The following SKP1 variants were observed in gnomAD, a reference collection of about 807,000 sequenced individuals.
The protein encoded by SKP1 is S-phase kinase-associated protein 1.
SKP1 carries 1 observed loss-of-function variant against 21.5 expected under a neutral mutation model. The ratio of observed to expected loss-of-function variants is 0.05; its 90% CI spans 0.02 to 0.22. SKP1 has a LOEUF of 0.22. Among genes scored for constraint, SKP1 ranks in the 10% least tolerant of loss-of-function variants. The probability of loss-of-function intolerance (pLI) is 1.00; values close to 1 mark genes in which losing one functional copy is unlikely to be tolerated. For synonymous variants in SKP1, 59 were observed against 59.3 expected, an observed-to-expected ratio of 0.99 and a Z score of 0.03; for missense variants, 70 against 192.0, an observed-to-expected ratio of 0.36 and a Z score of 3.76.
Position 134,165,401 on chromosome 5 carries a change from C to A in SKP1, c.171+1769G>T, listed in dbSNP as rs140030069. 4.2e-4 allele frequency among the ~76,000 whole-genome samples: 64 copies of A among 151,812 alleles called. No individual in the cohort carries two copies. In the East Asian group the frequency reaches 0.01, roughly 24 times the overall value. On this transcript the variant is annotated intron_variant, in intron 3 of 5. Coordinates refer to ENST00000353411, the MANE Select transcript of SKP1 (RefSeq NM_170679.3). The stretch of plus-strand genomic sequence containing the variant: ...GGTGAGGAGTTCAAGACCAGCCTGG[C>A]CAACATGGTGAAACCCTCATCTCTA...
chr5:134,170,136 C>T (rs1288418377), intron 2 of SKP1, among the ~76,000 whole-genome samples: 1 of 152,062 alleles, frequency 6.6e-6, no homozygotes, highest in African/African-American at 2.4e-5. Context: ...CGCCATTGCA[C>T]TCCAGCCTGG....
At position 134,153,132 on chromosome 5, in the gene SKP1, T is replaced by C. The variant is rs889398698; in HGVS notation, c.*4601A>G. On this transcript the variant is annotated 3_prime_UTR_variant, in exon 6 of 6. Transcript: ENST00000353411. ...CTCAAACAACTTTGTAGGGAGAACA[T>C]TTACTTGGTTGATTCCTTCCTACCA... 1.3e-5 allele frequency: 2 copies of C among 152,154 alleles called. No individual in the cohort carries two copies. Among genetic ancestry groups the C allele is most frequent in the African/African-American group, 4.8e-5 (2 of 41,442 alleles). The allele number at this position is 152,154 out of a possible 1,614,324, so 9.4% of individuals were successfully genotyped here.
chr5:134,170,715 C>T (rs1199157224), intron 2 of SKP1, among the ~76,000 whole-genome samples: 1 of 152,212 alleles, frequency 6.6e-6, no homozygotes, highest in Non-Finnish European at 1.5e-5. Context: ...AAAAGAATAA[C>T]TTAATTGTTG....
chr5:134,165,544 C>A (rs1022426671), intron 3 of SKP1, among the ~76,000 whole-genome samples: 3 of 143,538 alleles, frequency 2.1e-5, no homozygotes, highest in African/African-American at 7.8e-5. Context: ...GAGCTGAGAT[C>A]GTGCCACTGC....
At chr5:134,160,200 A>G (rs1034275878) in intron 4 of SKP1, among the ~76,000 whole-genome samples, 1 of 151,818 alleles carries the variant, frequency 6.6e-6, no homozygotes, top group African/African-American at 2.4e-5. Context: ...TACTAAAAAT[A>G]CAAAAACTTA....
intron 2 of SKP1, among the ~76,000 whole-genome samples, chr5:134,170,740 G>A (rs1020777888): frequency 1.9e-4 from 29 of 152,134 alleles, no homozygotes; most frequent in African/African-American, 6.0e-4. Flanking sequence ...CTGCCTATCC[G>A]TCCACTTACT....
chr5:134,163,115 T>C (rs539318256), intron 3 of SKP1, among the ~76,000 whole-genome samples: 13 of 145,004 alleles, frequency 9.0e-5, no homozygotes, highest in African/African-American at 3.1e-4. Flanking sequence ...CTCAGAAGGC[T>C]GAGGCAAGAG....
At chr5:134,162,198 T>G (rs936131863) in intron 3 of SKP1, among the ~76,000 whole-genome samples, 1 of 152,162 alleles carries the variant, frequency 6.6e-6, no homozygotes, top group African/African-American at 2.4e-5. Flanking sequence ...CCTCCTGTGC[T>G]TAAGCGATCC....
intron 5 of SKP1, 30 bp from the exon 6 acceptor site, chr5:134,157,798 T>A: frequency 6.2e-7 from 1 of 1,612,984 alleles, no homozygotes; most frequent in Non-Finnish European, 8.5e-7. Context: ...GGAAGTACCT[T>A]AACTTGAGTA....
At chr5:134,170,263 T>C (rs750145705) in intron 2 of SKP1, among the ~76,000 whole-genome samples, 1 of 152,230 alleles carries the variant, frequency 6.6e-6, no homozygotes, top group Non-Finnish European at 1.5e-5. Context: ...GGTCCTGCTA[T>C]GTTGTCCAGG....
intron 2 of SKP1, chr5:134,171,148 A>C (rs1761432059): frequency 1.3e-5 from 5 of 384,376 alleles, no homozygotes; most frequent in Non-Finnish European, 2.5e-5. Flanking sequence ...AGAGAATTCT[A>C]AGCTTTTATC....
At chr5:134,176,012 G>T (rs1208575683) in intron 1 of SKP1, among the ~76,000 whole-genome samples, 1 of 152,160 alleles carries the variant, frequency 6.6e-6, no homozygotes, top group Non-Finnish European at 1.5e-5. Flanking sequence ...AGACGGTATT[G>T]TTCTATGAAA....
chr5:134,174,494 T>G, intron 1 of SKP1: 1 of 987,206 alleles, frequency 1.0e-6, no homozygotes, highest in Non-Finnish European at 1.2e-6. Flanking sequence ...AAAGAGTACA[T>G]CAGAATATGC....
At chr5:134,174,453 G>A in intron 1 of SKP1, 1 of 990,068 alleles carries the variant, frequency 1.0e-6, no homozygotes, top group Non-Finnish European at 1.2e-6. Flanking sequence ...TCCCCACAGT[G>A]AGTCCTACCT....
At chr5:134,158,021 A>G (rs756041374) in intron 5 of SKP1, 43 of 1,487,838 alleles carry the variant, frequency 2.9e-5, no homozygotes, top group Non-Finnish European at 3.8e-5. Context: ...GAGCAAATTC[A>G]GTTAATTCAT....
In SKP1 at chr5:134,174,008, C is replaced by A; in HGVS notation, c.15G>T (p.Lys5Asn). 6.2e-7 allele frequency: 1 copy of A among 1,601,280 alleles called. No individual in the cohort carries two copies. ...ATATCTCTCCATCAGAACTCTGCAA[C>A]TTAATTGAAGGCATCTAAAAAAAAA... MPSI[K>N]LQSSDGEIFE... Residue 5 changes from lysine to asparagine, a missense_variant, in exon 2 of 6, where the codon AAG (lysine) becomes AAT (asparagine). Lys to Asn is a moderately conservative substitution (Grantham distance 94). Around this residue, in one of 4 missense-constraint regions of SKP1, gnomAD observed 21 missense variants for 23.4 expected, o/e 0.90. Coordinates refer to ENST00000353411, the MANE Select transcript of SKP1 (RefSeq NM_170679.3).
chr5:134,158,312 G>C, intron 5 of SKP1, 143 bp downstream of exon 5: 1 of 1,543,276 alleles, frequency 6.5e-7, no homozygotes, highest in Non-Finnish European at 8.7e-7. Context: ...AGAACAGTAA[G>C]AGTATGTTTA....
Position 134,153,866 on chromosome 5 carries a change from T to C in SKP1, c.*3867A>G, listed in dbSNP as rs1761079012. ...ACTGTTACTATCCTCCCTCCCCAGCTAGTTTTAAGATAAGCTCAGCATTAC... is the reference window on the plus strand; with the variant it reads ...ACTGTTACTATCCTCCCTCCCCAGCCAGTTTTAAGATAAGCTCAGCATTAC... On this transcript the variant is annotated 3_prime_UTR_variant, in exon 6 of 6. Coordinates refer to ENST00000353411, the MANE Select transcript of SKP1 (RefSeq NM_170679.3). The C allele has an allele frequency of 6.6e-6, 1 of 152,222 alleles. No homozygotes were observed. Among genetic ancestry groups the C allele is most frequent in the Admixed American group, 6.5e-5 (1 of 15,282 alleles). 9.4% of individuals were successfully genotyped at this position (152,222 alleles called of 1,614,324 possible).
Position 134,161,108 on chromosome 5 carries a change from T to C in SKP1, c.194A>G (p.His65Arg). 1.2e-6 allele frequency: 2 copies of C among 1,613,494 alleles called. No homozygotes were observed. Among genetic ancestry groups the C allele is most frequent in the Non-Finnish European group, 1.7e-6 (2 of 1,179,660 alleles). The stretch of plus-strand genomic sequence containing the variant: ...TTCAGGAGGAGGAGGGTCATCCTTG[T>C]GGTGGGTGCACCACTGAATGACCTA... ...LKKVIQWCTH[H>R]KDDPPPPEDD... Residue 65 changes from histidine to arginine, a missense_variant, in exon 4 of 6, where the codon CAC becomes CGC. Around this residue, in one of 4 missense-constraint regions of SKP1, gnomAD observed 33 missense variants for 64.9 expected, o/e 0.51. Coordinates refer to ENST00000353411, the MANE Select transcript of SKP1 (RefSeq NM_170679.3).
Sources: allele counts gnomAD v4.1 joint callset (sites outside exome capture counted in the v4.1 genomes callset), GRCh38; gene constraint gnomAD v4.1.1; regional missense constraint gnomAD v4.1.1; transcripts MANE v1.5; gene names NCBI Gene and HGNC (gene_info 2026-07-23, HGNC 2026-07-21).